Variants in VWF observed in about 807,000 individuals in gnomAD.
VWF encodes von Willebrand factor.
A neutral mutation model predicts 308.6 loss-of-function variants in VWF; 176 were observed. The observed-to-expected ratio is 0.57, with a 90% CI of 0.50 to 0.65. VWF has a LOEUF of 0.65. VWF is among the 30% of genes least tolerant of loss of function. The pLI is 0.00. For missense variants in VWF, 3,146 were observed against 3,648.2 expected (o/e 0.86, Z 3.55); for synonymous variants, 1,385 against 1,443.4 (o/e 0.96, Z 0.92).
At chr12:5,952,729 T>C (rs1943205993) in intron 48 of VWF, among the ~76,000 whole-genome samples, 1 of 152,206 alleles carries the variant, frequency 6.6e-6, no homozygotes, top group East Asian at 1.9e-4. Context: ...AGGGCTGCTA[T>C]GTAGACTCTT....
At position 5,992,020 on chromosome 12, in the gene VWF, T is replaced by C; in HGVS notation, c.6599-2A>G. On this transcript the variant is annotated splice_acceptor_variant, in intron 37 of 51. Coordinates refer to ENST00000261405, the MANE Select transcript of VWF (RefSeq NM_000552.5). LOFTEE classifies it high-confidence loss of function. ...CCAGAGATGGTGGGCATGACATAGC[T>C]GTAGACAGAGAAGGAGGTCACTTGC... The C allele has an allele frequency of 6.2e-7, 1 of 1,613,990 alleles. No individual in the cohort carries two copies. The highest frequency in any genetic ancestry group is 8.5e-7 in the Non-Finnish European group (1 of 1,179,976).
At chr12:6,067,425 G>A (rs984392525) in intron 10 of VWF, among the ~76,000 whole-genome samples, 23 of 152,204 alleles carry the variant, frequency 1.5e-4, no homozygotes, top group African/African-American at 5.5e-4. Context: ...AACGAGAAAT[G>A]TGCAAATATT....
intron 50 of VWF, among the ~76,000 whole-genome samples, chr12:5,950,089 A>G (rs565902947): frequency 2.0e-5 from 3 of 152,322 alleles, no homozygotes; most frequent in African/African-American, 7.2e-5. Flanking sequence ...TGCTGGACTT[A>G]ACTCACTTAA....
intron 28 of VWF, 80 bp from the exon 29 acceptor site, chr12:6,016,950 A>G (rs974750089): frequency 4.1e-6 from 6 of 1,461,560 alleles, no homozygotes; most frequent in East Asian, 2.3e-5. Context: ...GACATCCAAT[A>G]GGATCTGCAG....
At chr12:5,986,347 T>C (rs1943680636) in intron 38 of VWF, among the ~76,000 whole-genome samples, 1 of 152,214 alleles carries the variant, frequency 6.6e-6, no homozygotes, top group African/African-American at 2.4e-5. Context: ...GAAACTGTGA[T>C]TAGCACAGGG....
chr12:6,060,414 C>T lies in VWF; in HGVS notation c.1534-2370G>A, dbSNP rs984958473. ...CTAGCTGCACCTCCTCTTGCACCGC[C>T]TCTGCCCCAGCTGGCCTCCCTCCAG... On this transcript the variant is annotated intron_variant, in intron 13 of 51. Coordinates refer to ENST00000261405, the MANE Select transcript of VWF (RefSeq NM_000552.5). The surrounding 1 kb of genome is among the most constrained non-coding windows in gnomAD (Gnocchi z 5.1). Among the ~76,000 whole-genome samples the T allele has an allele frequency of 2.0e-5, 3 of 152,046 alleles. No homozygotes were observed. The highest frequency in any genetic ancestry group is 7.2e-5 in the African/African-American group (3 of 41,394).
rs992461922 is a variant in VWF at position 6,057,877 on chromosome 12, G to A, written c.1701C>T (p.Ser567=). The part of the protein sequence containing the change: ...GDCQDLQKQH[S]DPCALNPRMT... ...TGCGCGGGTTGAGGGCGCAGGGATC[G>A]CTGTGCTGCTTCTGCAGGTCCTGGC... is the stretch of plus-strand genomic sequence containing the variant. The change falls in exon 14 of 52, where the codon AGC becomes AGT. Residue 567 remains serine, a synonymous_variant. Coordinates refer to ENST00000261405, the MANE Select transcript of VWF (RefSeq NM_000552.5). The A allele has an allele frequency of 1.9e-6, 3 of 1,611,080 alleles. No homozygotes were observed. Among genetic ancestry groups the A allele is most frequent in the Non-Finnish European group, 1.7e-6 (2 of 1,178,650 alleles).
intron 6 of VWF, among the ~76,000 whole-genome samples, chr12:6,080,027 C>A (rs916794055): frequency 1.3e-5 from 2 of 152,060 alleles, no homozygotes; most frequent in Non-Finnish European, 2.9e-5. Context: ...TTTCCCCCTT[C>A]TTTGGCCCCC....
chr12:6,048,078 C>A (rs1036947846), intron 16 of VWF, among the ~76,000 whole-genome samples: 2 of 152,218 alleles, frequency 1.3e-5, no homozygotes, highest in Non-Finnish European at 2.9e-5. Context: ...TCTGCATTAT[C>A]CAGATGTCTA....
chr12:6,076,473 G>A (rs1462541516), intron 6 of VWF, among the ~76,000 whole-genome samples: 6 of 152,290 alleles, frequency 3.9e-5, no homozygotes, highest in African/African-American at 7.2e-5. Context: ...AATCCATGAT[G>A]TCTTTCTTAG....
At position 5,971,599 on chromosome 12, in the gene VWF, A is replaced by G. The variant is rs768645164; in HGVS notation, c.7548T>C (p.Ser2516=). ...CCCCGTCCCGGGGGCCTGGACCTAC[A>G]CTCTTCCAGGAAGACTGGGAGTCCC... ...PRGDSQSSWK[S]VGSQWASPEN... is the part of the protein sequence containing the mutation. Residue 2516 remains serine (S), a splice_region_variant and synonymous_variant, in exon 44 of 52, where the codon AGT becomes AGC. Coordinates refer to ENST00000261405, the MANE Select transcript of VWF (RefSeq NM_000552.5). 6.2e-6 allele frequency: 10 copies of G among 1,613,446 alleles called. No individual in the cohort carries two copies. Among genetic ancestry groups the G allele is most frequent in the Non-Finnish European group, 8.5e-6 (10 of 1,179,572 alleles).
chr12:6,035,765 G>A (rs895378481), intron 19 of VWF, among the ~76,000 whole-genome samples: 3 of 152,180 alleles, frequency 2.0e-5, no homozygotes, highest in Non-Finnish European at 4.4e-5. Context: ...TGTCTTCCCT[G>A]GGGCCCATCT....
chr12:6,044,428 G>A lies in VWF; in HGVS notation c.2305C>T (p.Pro769Ser), dbSNP rs143145764. The change falls in exon 18 of 52, where the codon CCC (proline) becomes TCC (serine). Residue 769 changes from proline to serine, a missense_variant. Physicochemically the swap from Pro to Ser is moderately conservative, Grantham distance 74. Coordinates refer to ENST00000261405, the MANE Select transcript of VWF (RefSeq NM_000552.5). ...GGACACACCAGCTTGACCATGGGGG[G>A]CCGACAGGATAGGCTCCTTTTGCCT... ...HRSKRSLSCR[P>S]PMVKLVCPAD... 74 of 1,614,214 alleles carry A rather than the reference G, an allele frequency of 4.6e-5. No homozygotes were observed. The African/African-American group carries it at 7.7e-4, about 17-fold the overall frequency.
chr12:5,967,732 C>T lies in VWF; in HGVS notation c.7771-130G>A, dbSNP rs567620493. On this transcript the variant is annotated intron_variant, in intron 46 of 51. Coordinates refer to ENST00000261405, the MANE Select transcript of VWF (RefSeq NM_000552.5). Reference sequence around the variant, plus strand: ...GCCATCGCTCTGCTGCTCCTCCTGTCTCCTATGGCCCACTGCCTTCCCGTC... The same window carrying T: ...GCCATCGCTCTGCTGCTCCTCCTGTTTCCTATGGCCCACTGCCTTCCCGTC... 14 of 847,178 alleles carry T rather than the reference C, an allele frequency of 1.7e-5. No homozygotes were observed. In the East Asian group the frequency reaches 3.2e-4, roughly 19 times the overall value. 52.5% of individuals were successfully genotyped at this position (847,178 alleles called of 1,614,324 possible). A position where few individuals can be genotyped will look rare whatever the true frequency, so the allele number is the denominator to read the frequency against.
chr12:5,994,294 C>T, intron 36 of VWF, 91 bp from the exon 37 acceptor site: 3 of 1,591,766 alleles, frequency 1.9e-6, no homozygotes, highest in Non-Finnish European at 2.6e-6. Flanking sequence ...TTGATCCTCA[C>T]CAGAATCTGA....
At chr12:6,088,448 C>T (rs926515130) in intron 6 of VWF, among the ~76,000 whole-genome samples, 10 of 148,400 alleles carry the variant, frequency 6.7e-5, no homozygotes, top group Non-Finnish European at 3.0e-5. Context: ...TACTGCACTC[C>T]AGCCTGGGCG....
chr12:5,994,388 G>A (rs553244183), intron 36 of VWF, 27 bp downstream of exon 36: 1 of 1,612,948 alleles, frequency 6.2e-7, no homozygotes. Context: ...AGCAGGGGGA[G>A]AAGAGGAGTT....
chr12:5,998,831 C>T (rs773159671), intron 34 of VWF, among the ~76,000 whole-genome samples: 6 of 152,112 alleles, frequency 3.9e-5, no homozygotes, highest in African/African-American at 4.8e-5. Context: ...CGGGTTCAGG[C>T]GATTCTCCTG....
rs765691475 is a variant in VWF, at chr12:6,013,466, T to C, written c.5620+15A>G. On this transcript the variant is annotated intron_variant, in intron 32 of 51. Transcript: ENST00000261405. ...TTTTTTTTGAGGGAAGTAAGAAAGG[T>C]ATTATAAGACTCACCAGAGCACAGT... 4.3e-6 allele frequency: 7 copies of C among 1,614,038 alleles called. No homozygotes were observed. In the East Asian group the frequency reaches 1.6e-4, roughly 36 times the overall value.
Sources: allele counts gnomAD v4.1 joint callset (sites outside exome capture counted in the v4.1 genomes callset), GRCh38; gene constraint gnomAD v4.1.1; non-coding constraint Gnocchi (gnomAD v3.1); transcripts MANE v1.5; gene names NCBI Gene and HGNC (gene_info 2026-07-23, HGNC 2026-07-21).